PXDNL: variants seen among roughly 807,000 people sequenced by gnomAD.
The protein encoded by PXDNL is peroxidasin like, also known as probable oxidoreductase PXDNL.
A neutral mutation model predicts 150.8 loss-of-function variants in PXDNL; 145 were observed. The ratio of observed to expected loss-of-function variants is 0.96; its 90% CI spans 0.84 to 1.10. PXDNL has a LOEUF of 1.10. PXDNL is among the 50% of genes least tolerant of loss of function. The probability of loss-of-function intolerance (pLI) is 0.00; values close to 1 mark genes in which losing one functional copy is unlikely to be tolerated. For synonymous variants in PXDNL, 757 were observed against 725.7 expected (o/e 1.04, Z -0.69); for missense variants, 2,087 against 1,873.9 (o/e 1.11, Z -2.10).
At chr8:51,365,050 C>G (rs1017819375) in intron 19 of PXDNL, among the ~76,000 whole-genome samples, 3 of 152,184 alleles carry the variant, frequency 2.0e-5, no homozygotes, top group Admixed American at 2.0e-4. Flanking sequence ...AAACAATTCT[C>G]TTGCCTCAGC....
At chr8:51,481,355 G>T (rs1401959421) in intron 6 of PXDNL, among the ~76,000 whole-genome samples, 2 of 152,186 alleles carry the variant, frequency 1.3e-5, no homozygotes, top group African/African-American at 4.8e-5. Context: ...ATGATTTCAG[G>T]TATCTGGTAG....
Position 51,772,235 on chromosome 8 carries a change from T to TAC in PXDNL, c.164+36945_164+36946insGT, listed in dbSNP as rs200712070. Among the ~76,000 whole-genome samples the TAC allele has an allele frequency of 4.8e-3, 515 of 107,254 alleles. 4 individuals are homozygous for TAC. Among genetic ancestry groups the TAC allele is most frequent in the Middle Eastern group, 0.03 (6 of 200 alleles). 70.4% of individuals were successfully genotyped at this position (107,254 alleles called of 152,430 possible). On this transcript the variant is annotated intron_variant, in intron 1 of 22. Coordinates refer to ENST00000356297, the MANE Select transcript of PXDNL (RefSeq NM_144651.5). ...GTCTCTCTCTTTCTCTCTCTCTCTA[T>TAC]ATACACACACACACACACACACACA... is the stretch of plus-strand genomic sequence containing the variant.
At chr8:51,724,143 G>T (rs747251244) in intron 1 of PXDNL, among the ~76,000 whole-genome samples, 2 of 152,072 alleles carry the variant, frequency 1.3e-5, no homozygotes, top group African/African-American at 4.8e-5. Context: ...TGGGAGGACG[G>T]GTGGAGACTG....
chr8:51,412,727 A>G (rs777555088), intron 15 of PXDNL, among the ~76,000 whole-genome samples: 4 of 152,238 alleles, frequency 2.6e-5, no homozygotes, highest in Non-Finnish European at 5.9e-5. Context: ...GAACATTCCA[A>G]TTCAAATTAA....
At position 51,360,913 on chromosome 8, in the gene PXDNL, G is replaced by A. The variant is rs148920516; in HGVS notation, c.3901+10960C>T. Among the ~76,000 whole-genome samples, 28 of 152,304 alleles carry A rather than the reference G, an allele frequency of 1.8e-4. 1 individual carries two copies. The East Asian group carries it at 5.2e-3, about 28-fold the overall frequency. On this transcript the variant is annotated intron_variant, in intron 19 of 22. Coordinates refer to ENST00000356297, the MANE Select transcript of PXDNL (RefSeq NM_144651.5). ...GTGCTGGAGTCTCTGAGCCTACTCT[G>A]GCTCAGGAGTCTTCTTAATTCACAA...
intron 1 of PXDNL, among the ~76,000 whole-genome samples, chr8:51,696,412 A>C (rs542379470): frequency 6.6e-6 from 1 of 152,314 alleles, no homozygotes; most frequent in South Asian, 2.1e-4. Context: ...CTGGCACCCT[A>C]ATCTCAAACT....
chr8:51,801,010 G>A (rs529166584), intron 1 of PXDNL, among the ~76,000 whole-genome samples: 13 of 152,180 alleles, frequency 8.5e-5, no homozygotes, highest in Non-Finnish European at 1.8e-4. Flanking sequence ...GACTGCCTGC[G>A]GGGTTGGGCA....
chr8:51,540,392 C>T (rs758121766), intron 4 of PXDNL, among the ~76,000 whole-genome samples: 2 of 152,088 alleles, frequency 1.3e-5, no homozygotes, highest in Non-Finnish European at 2.9e-5. Flanking sequence ...CTTCTACTTT[C>T]GCTTTAGATA....
intron 12 of PXDNL, among the ~76,000 whole-genome samples, chr8:51,432,004 A>G (rs1586101648): frequency 6.6e-6 from 1 of 152,238 alleles, no homozygotes; most frequent in East Asian, 1.9e-4. Flanking sequence ...TTTAATGTAG[A>G]TAAGATTATC....
At chr8:51,339,552 C>A in intron 21 of PXDNL, 72 bp downstream of exon 21, 1 of 1,441,194 alleles carries the variant, frequency 6.9e-7, no homozygotes, top group Non-Finnish European at 9.6e-7. Context: ...TGGAGAGTTA[C>A]TGGACAAATC....
At chr8:51,541,100 A>G (rs1812207188) in intron 4 of PXDNL, among the ~76,000 whole-genome samples, 1 of 152,076 alleles carries the variant, frequency 6.6e-6, no homozygotes, top group African/African-American at 2.4e-5. Context: ...TCTACTAAAA[A>G]TACAAAAATT....
intron 21 of PXDNL, among the ~76,000 whole-genome samples, chr8:51,329,703 T>C (rs1377836065): frequency 1.3e-5 from 2 of 151,924 alleles, no homozygotes; most frequent in Non-Finnish European, 2.9e-5. Flanking sequence ...AAAGAAGAAT[T>C]AAAAGAAAAT....
chr8:51,643,424 C>G (rs182018928), intron 2 of PXDNL, among the ~76,000 whole-genome samples: 19 of 152,054 alleles, frequency 1.2e-4, no homozygotes, highest in African/African-American at 3.4e-4. Context: ...ACAAACCTGA[C>G]AAAAACAAGC....
At chr8:51,702,457 T>C (rs1013498945) in intron 1 of PXDNL, among the ~76,000 whole-genome samples, 1 of 152,196 alleles carries the variant, frequency 6.6e-6, no homozygotes, top group African/African-American at 2.4e-5. Flanking sequence ...TCCAAGTACA[T>C]AGCCATGCGA....
intron 4 of PXDNL, among the ~76,000 whole-genome samples, chr8:51,554,422 A>C (rs1293592389): frequency 6.6e-6 from 1 of 152,164 alleles, no homozygotes; most frequent in Non-Finnish European, 1.5e-5. Context: ...TCCCTTTATC[A>C]AAGGATCAAT....
At chr8:51,653,726 C>CTT (rs757148797) in intron 2 of PXDNL, among the ~76,000 whole-genome samples, 5 of 152,182 alleles carry the variant, frequency 3.3e-5, no homozygotes, top group Non-Finnish European at 7.3e-5. Flanking sequence ...ATGATCTCAA[C>CTT]TCTAAAGTTA....
intron 4 of PXDNL, among the ~76,000 whole-genome samples, chr8:51,517,029 T>G (rs1004391898): frequency 5.3e-5 from 8 of 152,228 alleles, no homozygotes; most frequent in Non-Finnish European, 1.0e-4. Context: ...TACTTTCTTT[T>G]CAGGAAAAGT....
intron 1 of PXDNL, among the ~76,000 whole-genome samples, chr8:51,754,783 A>T (rs374760446): frequency 3.9e-5 from 6 of 152,184 alleles, no homozygotes; most frequent in Non-Finnish European, 8.8e-5. Context: ...GATTACAGGC[A>T]TGAACCACTG....
At position 51,771,385 on chromosome 8, in the gene PXDNL, A is replaced by G. The variant is rs549575743; in HGVS notation, c.164+37796T>C. Among the ~76,000 whole-genome samples the G allele has an allele frequency of 2.6e-5, 4 of 152,362 alleles. No individual in the cohort carries two copies. The East Asian group carries it at 7.7e-4, about 29-fold the overall frequency. ...TATCTACACCAGAAGCTTATAATTT[A>G]GAGGAAAAATAAACATTTAAATTAT... On this transcript the variant is annotated intron_variant, in intron 1 of 22. Coordinates refer to ENST00000356297, the MANE Select transcript of PXDNL (RefSeq NM_144651.5).
Sources: gnomAD v4.1 joint callset for allele counts (sites outside exome capture counted in the v4.1 genomes callset) on GRCh38, gnomAD v4.1.1 for gene constraint, MANE v1.5 for transcripts, NCBI Gene and HGNC (gene_info 2026-07-23, HGNC 2026-07-21) for gene names.